Variants in CACNA1C observed in about 807,000 individuals in gnomAD.
CACNA1C encodes the protein calcium voltage-gated channel subunit alpha1 C.
In CACNA1C, 30 loss-of-function variants were observed where a neutral mutation model predicts 229.0. The observed-to-expected ratio is 0.13, with a 90% CI of 0.10 to 0.18. The LOEUF (loss-of-function observed/expected upper bound fraction) is 0.18. Among genes scored for constraint, CACNA1C ranks in the 10% least tolerant of loss-of-function variants. The pLI is 1.00. For synonymous variants in CACNA1C, 1,114 were observed against 1,132.5 expected, an observed-to-expected ratio of 0.98 and a Z score of 0.33; for missense variants, 1,658 against 2,845.0, an observed-to-expected ratio of 0.58 and a Z score of 9.49.
rs755821113 is a variant in CACNA1C, at chr12:2,319,882, A to G, written c.478-129094A>G. Reference sequence around the variant, plus strand: ...TCACTTCATTCCTTAGGTGTGAGTCATGTTCACATTTCAGGGAAAATGCAC... The same window carrying G: ...TCACTTCATTCCTTAGGTGTGAGTCGTGTTCACATTTCAGGGAAAATGCAC... On this transcript the variant is annotated intron_variant, in intron 3 of 46. Coordinates refer to ENST00000399655, the MANE Select transcript of CACNA1C (RefSeq NM_000719.7). This position sits in a 1 kb window ranked among gnomAD's most constrained non-coding sequence, Gnocchi z 4.0. Among the ~76,000 whole-genome samples the G allele has an allele frequency of 3.2e-4, 49 of 152,112 alleles. No homozygotes were observed. The highest frequency in any genetic ancestry group is 6.5e-4 in the Non-Finnish European group (44 of 68,002).
At chr12:2,437,819 GT>G (rs2099152014) in intron 3 of CACNA1C, among the ~76,000 whole-genome samples, 1 of 150,622 alleles carries the variant, frequency 6.6e-6, no homozygotes, top group African/African-American at 2.4e-5. Flanking sequence ...GATGGTGGTG[GT>G]GGTAATGGTG....
intron 13 of CACNA1C, among the ~76,000 whole-genome samples, chr12:2,572,355 T>C (rs1600557266): frequency 7.8e-5 from 8 of 102,040 alleles, no homozygotes; most frequent in East Asian, 3.3e-4. Context: ...CTCCTCCTCC[T>C]CTCCTCCTCC....
At chr12:2,153,068 G>A (rs2095370596) in intron 3 of CACNA1C, among the ~76,000 whole-genome samples, 1 of 152,224 alleles carries the variant, frequency 6.6e-6, no homozygotes, top group Non-Finnish European at 1.5e-5. Context: ...TCAGCAGAGT[G>A]AAGGGCTAGG....
chr12:2,264,359 G>T (rs528306712), intron 3 of CACNA1C, among the ~76,000 whole-genome samples: 1 of 152,300 alleles, frequency 6.6e-6, no homozygotes, highest in East Asian at 1.9e-4. Context: ...GATGAAATTG[G>T]CAGATCAGAA....
chr12:2,544,761 T>C (rs1252650009), intron 9 of CACNA1C, among the ~76,000 whole-genome samples: 3 of 152,240 alleles, frequency 2.0e-5, no homozygotes, highest in Admixed American at 6.5e-5. Context: ...TGGTAGTTGG[T>C]TGGCGAGAGG....
intron 3 of CACNA1C, among the ~76,000 whole-genome samples, chr12:2,426,291 A>G (rs567397098): frequency 6.6e-6 from 1 of 152,338 alleles, no homozygotes; most frequent in East Asian, 1.9e-4. Context: ...AACCCATCTG[A>G]AGTTAATATT....
chr12:2,242,605 G>T (rs1371086216), intron 3 of CACNA1C, among the ~76,000 whole-genome samples: 1 of 152,188 alleles, frequency 6.6e-6, no homozygotes, highest in Admixed American at 6.5e-5. Context: ...CTCTACTTCA[G>T]GGAGTCTTCC....
In CACNA1C at chr12:2,512,190, C is replaced by T. The variant is rs2099785779; in HGVS notation, c.1218-622C>T. Among the ~76,000 whole-genome samples, 1 of 152,114 alleles carries T rather than the reference C, an allele frequency of 6.6e-6. No individual in the cohort carries two copies. Among genetic ancestry groups the T allele is most frequent in the Admixed American group, 6.5e-5 (1 of 15,278 alleles). On this transcript the variant is annotated intron_variant, in intron 8 of 46. Coordinates refer to ENST00000399655, the MANE Select transcript of CACNA1C (RefSeq NM_000719.7). This position sits in a 1 kb window ranked among gnomAD's most constrained non-coding sequence, Gnocchi z 4.3. ...CAATTGGCTCTCTATGGGGAAAGCC[C>T]TGGTTTTCAGCATTTGCCAGTTACC...
rs1232320163 is a variant in CACNA1C at position 2,605,222 on chromosome 12, G to A, written c.3048+54G>A. On this transcript the variant is annotated intron_variant, in intron 23 of 46. Coordinates refer to ENST00000399655, the MANE Select transcript of CACNA1C (RefSeq NM_000719.7). This position sits in a 1 kb window ranked among gnomAD's most constrained non-coding sequence, Gnocchi z 6.2. ...CCAGCCAGCCCATTGGGGAGTGGGA[G>A]CTCCACAGAGGTGAGGGGTGGGTTG... 7.9e-7 allele frequency: 1 copy of A among 1,259,150 alleles called. No homozygotes were observed. Among genetic ancestry groups the A allele is most frequent in the Non-Finnish European group, 1.2e-6 (1 of 858,658 alleles). The allele number at this position is 1,259,150 out of a possible 1,614,324, so 78.0% of individuals were successfully genotyped here.
intron 10 of CACNA1C, 21 bp from the exon 11 acceptor site, chr12:2,556,930 C>T: frequency 6.2e-7 from 1 of 1,607,922 alleles, no homozygotes; most frequent in Non-Finnish European, 8.5e-7. Flanking sequence ...CCTTTGGTAA[C>T]ATTTCCTTTT....
At chr12:2,363,095 G>A (rs11062202) in intron 3 of CACNA1C, among the ~76,000 whole-genome samples, 3,366 of 152,204 alleles carry the variant, frequency 0.022, 58 homozygotes, top group East Asian at 0.061. Flanking sequence ...CTCCCACATG[G>A]TCACAGTATG....
At chr12:2,235,329 C>G (rs1226065743) in intron 3 of CACNA1C, among the ~76,000 whole-genome samples, 1 of 152,120 alleles carries the variant, frequency 6.6e-6, no homozygotes, top group Non-Finnish European at 1.5e-5. Flanking sequence ...TCAGGAAAGC[C>G]ATTCAGCCGG....
intron 32 of CACNA1C, among the ~76,000 whole-genome samples, chr12:2,652,411 A>T (rs2095087178): frequency 6.6e-6 from 1 of 152,206 alleles, no homozygotes; most frequent in South Asian, 2.1e-4. Flanking sequence ...TTTGAAGTTA[A>T]GGAGAAGCAA....
At chr12:2,120,108 GGCCTCCACT>G (rs1223930152) in intron 2 of CACNA1C, among the ~76,000 whole-genome samples, 1 of 152,234 alleles carries the variant, frequency 6.6e-6, no homozygotes, top group Non-Finnish European at 1.5e-5. Context: ...GCACGCGACT[GGCCTCCACT>G]GCTTTTGACA....
chr12:2,158,507 A>T (rs139878811), intron 3 of CACNA1C, among the ~76,000 whole-genome samples: 1 of 152,182 alleles, frequency 6.6e-6, no homozygotes, highest in East Asian at 1.9e-4. Flanking sequence ...AGCCTGGGCG[A>T]TGGAGCAAGA....
chr12:2,248,325 G>A (rs1458974534), intron 3 of CACNA1C, among the ~76,000 whole-genome samples: 2 of 152,188 alleles, frequency 1.3e-5, no homozygotes, highest in Non-Finnish European at 2.9e-5. Flanking sequence ...AACCAGAGTT[G>A]GATGCTGGGA....
rs2083128575 is a variant in CACNA1C, at chr12:2,268,079, C to G, written c.477+147649C>G. ...AACAACCATATGGGGCCTCCACTTACACTGAGCAGCCTGTGCCTTGTGCCA... is the reference window on the plus strand; with the variant it reads ...AACAACCATATGGGGCCTCCACTTAGACTGAGCAGCCTGTGCCTTGTGCCA... On this transcript the variant is annotated intron_variant, in intron 3 of 46. Transcript: ENST00000399655. Among the ~76,000 whole-genome samples the G allele has an allele frequency of 2.6e-5, 4 of 152,206 alleles. No individual in the cohort carries two copies. In the South Asian group the frequency reaches 8.3e-4, roughly 32 times the overall value.
At chr12:2,432,921 G>T (rs1378404711) in intron 3 of CACNA1C, among the ~76,000 whole-genome samples, 1 of 152,112 alleles carries the variant, frequency 6.6e-6, no homozygotes, top group Non-Finnish European at 1.5e-5. Context: ...AGACTGAAGA[G>T]GGCAAACAAA....
rs370662635 is a variant in CACNA1C, at chr12:2,607,020, C to T, written c.3246C>T (p.Asp1082=). 2 of 1,613,878 alleles carry T rather than the reference C, an allele frequency of 1.2e-6. No homozygotes were observed. The highest frequency in any genetic ancestry group is 1.7e-6 in the Non-Finnish European group (2 of 1,179,902). The change falls in exon 26 of 47, where the codon GAC becomes GAT. Residue 1082 remains aspartate, a synonymous_variant. Transcript: ENST00000399655. ...NYITYKDGEV[D]HPIIQPRSWE... is the part of the protein sequence containing the mutation. ...TCACGTACAAAGACGGGGAGGTTGA[C>T]CACCCCATCATCCAACCCCGCAGCT...
Sources: allele counts gnomAD v4.1 joint callset (sites outside exome capture counted in the v4.1 genomes callset), GRCh38; gene constraint gnomAD v4.1.1; non-coding constraint Gnocchi (gnomAD v3.1); transcripts MANE v1.5; gene names NCBI Gene and HGNC (gene_info 2026-07-23, HGNC 2026-07-21).